SNRNP35: variants seen among roughly 807,000 people sequenced by gnomAD.
SNRNP35 encodes small nuclear ribonucleoprotein U11/U12 subunit 35.
A neutral mutation model predicts 24.3 loss-of-function variants in SNRNP35; 16 were observed. The observed-to-expected ratio is 0.66, with a 90% CI of 0.45 to 1.00. The LOEUF is 1.00. Among genes scored for constraint, SNRNP35 ranks in the 50% least tolerant of loss-of-function variants. SNRNP35 has a pLI of 0.00. For synonymous variants in SNRNP35, 106 were observed against 124.8 expected (o/e 0.85, Z 1.00); for missense variants, 292 against 327.2 (o/e 0.89, Z 0.83).
chr12:123,459,938 C>G (rs1355107480), intron 1 of SNRNP35: 2 of 1,309,474 alleles, frequency 1.5e-6, no homozygotes, highest in Non-Finnish European at 2.2e-6. Context: ...AGAGAGAGAA[C>G]AAAATCCATG....
In SNRNP35 at chr12:123,465,388, C is replaced by T. The variant is rs1381313157; in HGVS notation, c.-3-150C>T. The stretch of plus-strand genomic sequence containing the variant: ...TGGTGCTGTCTCCCCCACTTACTAG[C>T]AGGGAGGACTTAGCCTCTGTGGGTG... On this transcript the variant is annotated intron_variant, in intron 1 of 1. Transcript: ENST00000526639. The surrounding 1 kb of genome is among the most constrained non-coding windows in gnomAD (Gnocchi z 4.2). The T allele has an allele frequency of 3.4e-6, 3 of 887,360 alleles. No homozygotes were observed. Among genetic ancestry groups the T allele is most frequent in the Non-Finnish European group, 4.8e-6 (3 of 625,434 alleles). The allele number at this position is 887,360 out of a possible 1,614,324, so 55.0% of individuals were successfully genotyped here.
At chr12:123,464,530 C>T (rs1880835905) in intron 1 of SNRNP35, 1 of 152,282 alleles carries the variant, frequency 6.6e-6, no homozygotes, top group Non-Finnish European at 1.5e-5. Context: ...GCGTGAGCCA[C>T]CGCGTCTGGC....
chr12:123,472,997 C>A, exon 2 of SNRNP35: 1 of 264,660 alleles, frequency 3.8e-6, no homozygotes, highest in South Asian at 6.6e-5. Flanking sequence ...TCAAAAGCTG[C>A]TGAAACAAAT....
chr12:123,466,121 G>A lies in SNRNP35; in HGVS notation c.581G>A (p.Trp194Ter), dbSNP rs767484248. ...CGATCTCGATCCCGAGAAAGACACT[G>A]GGACTCGAGGACAAGGGATCGAGAC... is the stretch of plus-strand genomic sequence containing the variant. ...RERSRSRERH[W>*]DSRTRDRDHD... The change falls in exon 2 of 2, where the codon TGG becomes TAG. Residue 194 changes from tryptophan (W) to a stop codon, truncating the protein, a stop_gained. Coordinates refer to ENST00000526639, the MANE Select transcript of SNRNP35 (RefSeq NM_022717.4). LOFTEE classifies it high-confidence loss of function. 1 of 1,612,158 alleles carries A rather than the reference G, an allele frequency of 6.2e-7. No homozygotes were observed. The highest frequency in any genetic ancestry group is 1.7e-5 in the Admixed American group (1 of 59,470).
At chr12:123,463,934 T>C (rs991518343) in intron 1 of SNRNP35, among the ~76,000 whole-genome samples, 1 of 148,676 alleles carries the variant, frequency 6.7e-6, no homozygotes, top group African/African-American at 2.5e-5. Flanking sequence ...TGGCTAATTT[T>C]TTTTTTTTTT....
chr12:123,464,078 C>T (rs536239976), intron 1 of SNRNP35, among the ~76,000 whole-genome samples: 6 of 151,532 alleles, frequency 4.0e-5, no homozygotes, highest in South Asian at 2.1e-4. Flanking sequence ...GGATTACAGG[C>T]GCCTACAACC....
At chr12:123,460,322 G>A (rs1361921386) in intron 1 of SNRNP35, among the ~76,000 whole-genome samples, 1 of 152,118 alleles carries the variant, frequency 6.6e-6, no homozygotes. Flanking sequence ...AGTCCACACT[G>A]CCCCTGGTTC....
intron 1 of SNRNP35, 26 bp downstream of exon 1, chr12:123,458,242 C>T: frequency 1.0e-6 from 1 of 985,154 alleles, no homozygotes; most frequent in Non-Finnish European, 1.2e-6. Flanking sequence ...TTGGAAGGAG[C>T]GGGCCCCACG....
intron 1 of SNRNP35, chr12:123,464,464 G>C (rs35090528): frequency 0.25 from 38,147 of 151,732 alleles, 5,411 homozygotes; most frequent in African/African-American, 0.38. Flanking sequence ...GGATGGTCTC[G>C]ATCTCCTGAT....
In SNRNP35 at chr12:123,463,792, C is replaced by A. The variant is rs377453659; in HGVS notation, c.-3-1746C>A. ...TTTTATTTTTTTTTTTGAGACAGAG[C>A]CTCGCTTTGTTGCCCAGGCTGGAGT... On this transcript the variant is annotated intron_variant, in intron 1 of 1. Transcript: ENST00000526639. Among the ~76,000 whole-genome samples, 10 of 148,696 alleles carry A rather than the reference C, an allele frequency of 6.7e-5. No homozygotes were observed. The East Asian group carries it at 1.6e-3, about 24-fold the overall frequency.
At chr12:123,472,645 T>C (rs762048160) in exon 2 of SNRNP35, 2 of 1,598,238 alleles carry the variant, frequency 1.3e-6, no homozygotes, top group Admixed American at 3.5e-5. Flanking sequence ...CTCTGTGTGT[T>C]GGCCAGGCGC....
intron 1 of SNRNP35, 66 bp downstream of exon 1, chr12:123,458,282 A>C (rs1320059850): frequency 2.1e-6 from 2 of 958,168 alleles, no homozygotes; most frequent in Non-Finnish European, 2.5e-6. Flanking sequence ...AGTGCGGCCC[A>C]GACGCTGTGC....
At chr12:123,459,887 C>T in intron 1 of SNRNP35, 1 of 1,592,486 alleles carries the variant, frequency 6.3e-7, no homozygotes, top group Non-Finnish European at 8.6e-7. Flanking sequence ...TAATGAGAAA[C>T]AATGAAACCA....
chr12:123,466,190 C>G lies in SNRNP35; in HGVS notation c.650C>G (p.Thr217Ser). The G allele has an allele frequency of 6.3e-7, 1 of 1,599,068 alleles. No homozygotes were observed. The highest frequency in any genetic ancestry group is 8.5e-7 in the Non-Finnish European group (1 of 1,173,882). Reference protein sequence around the residue: ...REKRWQEREPTRVWPDNDWER... With the variant: ...REKRWQEREPSRVWPDNDWER... ...AAGAGATGGCAAGAAAGAGAGCCGA[C>G]CAGGGTGTGGCCCGACAATGACTGG... Residue 217 changes from threonine (T) to serine (S), a missense_variant, in exon 2 of 2, where the codon ACC becomes AGC. Transcript: ENST00000526639.
chr12:123,463,269 C>T (rs939241915), intron 1 of SNRNP35, among the ~76,000 whole-genome samples: 1 of 151,882 alleles, frequency 6.6e-6, no homozygotes, highest in Non-Finnish European at 1.5e-5. Flanking sequence ...GATATGTTGC[C>T]CAGGCTGGTC....
chr12:123,463,679 C>T (rs1249632547), intron 1 of SNRNP35, among the ~76,000 whole-genome samples: 3 of 152,032 alleles, frequency 2.0e-5, no homozygotes, highest in East Asian at 1.9e-4. Context: ...AGATTACAGG[C>T]GTGAGCTACC....
rs1180729336 is a variant in SNRNP35 at position 123,461,722 on chromosome 12, A to ATT, written c.-4+3522_-4+3523dup. ...GATTTGGACTAAAAAAAGTTCTATG[A>ATT]TTTTTTTTTTTTTTTTTGAGACAGA... On this transcript the variant is annotated intron_variant, in intron 1 of 1. Coordinates refer to ENST00000526639, the MANE Select transcript of SNRNP35 (RefSeq NM_022717.4). Among the ~76,000 whole-genome samples, 183 of 135,348 alleles carry ATT rather than the reference A, an allele frequency of 1.4e-3. 2 individuals carry two copies. Among genetic ancestry groups the ATT allele is most frequent in the African/African-American group, 4.3e-3 (158 of 36,860 alleles). 88.8% of individuals were successfully genotyped at this position (135,348 alleles called of 152,430 possible). A position where few individuals can be genotyped will look rare whatever the true frequency, so the allele number is the denominator to read the frequency against.
chr12:123,466,372 T>A lies in SNRNP35; in HGVS notation c.*91T>A. The A allele has an allele frequency of 7.8e-7, 1 of 1,279,428 alleles. No individual in the cohort carries two copies. Among genetic ancestry groups the A allele is most frequent in the East Asian group, 2.5e-5 (1 of 40,798 alleles). The allele number at this position is 1,279,428 out of a possible 1,614,324, so 79.3% of individuals were successfully genotyped here. A position where few individuals can be genotyped will look rare whatever the true frequency, so the allele number is the denominator to read the frequency against. Reference sequence around the variant, plus strand: ...ACGCAGCGTGAGTCTAATGGTTGAATAAAACTTACTGATGATCATGGGGTT... The same window carrying A: ...ACGCAGCGTGAGTCTAATGGTTGAAAAAAACTTACTGATGATCATGGGGTT... On this transcript the variant is annotated 3_prime_UTR_variant, in exon 2 of 2. Transcript: ENST00000526639.
chr12:123,464,843 C>G (rs1254702097), intron 1 of SNRNP35: 2 of 152,184 alleles, frequency 1.3e-5, no homozygotes, highest in Non-Finnish European at 2.9e-5. Context: ...TCACTGTAGC[C>G]TTAGCTTTGT....
Sources: gnomAD v4.1 joint callset for allele counts (sites outside exome capture counted in the v4.1 genomes callset) on GRCh38, gnomAD v4.1.1 for gene constraint, Gnocchi (gnomAD v3.1) non-coding constraint, MANE v1.5 for transcripts, NCBI Gene and HGNC (gene_info 2026-07-23, HGNC 2026-07-21) for gene names.